The following CACNA1S variants were observed in gnomAD, a reference collection of about 807,000 sequenced individuals.
CACNA1S encodes the protein voltage-dependent L-type calcium channel subunit alpha-1S.
Under a neutral mutation model 207.4 loss-of-function variants are expected in CACNA1S, and 126 were observed. The observed-to-expected ratio is 0.61, with a 90% CI of 0.53 to 0.70. The LOEUF (loss-of-function observed/expected upper bound fraction) is 0.70, where lower values mean the gene tolerates loss of function less well. Among genes scored for constraint, CACNA1S ranks in the 30% least tolerant of loss-of-function variants. The pLI is 0.00. For synonymous variants in CACNA1S, 960 were observed against 932.7 expected, an observed-to-expected ratio of 1.03 and a Z score of -0.53; for missense variants, 2,349 against 2,422.8, an observed-to-expected ratio of 0.97 and a Z score of 0.64.
At position 201,087,900 on chromosome 1, in the gene CACNA1S, G is replaced by A. The variant is rs1662091024; in HGVS notation, c.930C>T (p.Pro310=). ...WVNDAIGNEW[P]WIYFVTLILL... is the part of the protein sequence containing the mutation. ...AAATGAGGGTGACAAAATAGATCCAGGGCCACTCATTCCCGATGGCATCAT... is the reference window on the plus strand; with the variant it reads ...AAATGAGGGTGACAAAATAGATCCAAGGCCACTCATTCCCGATGGCATCAT... The change falls in exon 7 of 44, where the codon CCC becomes CCT. Residue 310 remains proline, a synonymous_variant. Coordinates refer to ENST00000362061, the MANE Select transcript of CACNA1S (RefSeq NM_000069.3). The A allele has an allele frequency of 3.1e-6, 5 of 1,613,660 alleles. No homozygotes were observed. The highest frequency in any genetic ancestry group is 4.2e-6 in the Non-Finnish European group (5 of 1,179,672).
rs150396066 is a variant in CACNA1S at position 201,098,943 on chromosome 1, T to A, written c.259-4922A>T. 2.6e-5 allele frequency among the ~76,000 whole-genome samples: 4 copies of A among 152,230 alleles called. No individual in the cohort carries two copies. In the East Asian group the frequency reaches 7.7e-4, roughly 29 times the overall value. On this transcript the variant is annotated intron_variant, in intron 2 of 43. Coordinates refer to ENST00000362061, the MANE Select transcript of CACNA1S (RefSeq NM_000069.3). Reference sequence around the variant, plus strand: ...CTTAGCTGGAGGTTGGCGTGGTGTGTGACCCCTGATGCACAGGCCTTGCAC... The same window carrying A: ...CTTAGCTGGAGGTTGGCGTGGTGTGAGACCCCTGATGCACAGGCCTTGCAC...
intron 1 of CACNA1S, among the ~76,000 whole-genome samples, chr1:201,110,830 A>G (rs1230713085): frequency 6.6e-6 from 1 of 151,792 alleles, no homozygotes; most frequent in East Asian, 1.9e-4. Flanking sequence ...CCTCCCAGAC[A>G]CACCCACCCC....
At chr1:201,102,144 G>A (rs1662694488) in intron 2 of CACNA1S, among the ~76,000 whole-genome samples, 1 of 152,230 alleles carries the variant, frequency 6.6e-6, no homozygotes, top group African/African-American at 2.4e-5. Flanking sequence ...ATACAGCACA[G>A]GGTGGCGTGA....
In CACNA1S at chr1:201,089,260, A is replaced by G. The variant is rs370325121; in HGVS notation, c.898T>C (p.Trp300Arg). The change falls in exon 6 of 44, where the codon TGG (tryptophan) becomes CGG (arginine). Residue 300 changes from tryptophan (W) to arginine (R), a missense_variant and splice_region_variant. Transcript: ENST00000362061. ...TMEGWTDVLYWVNDAIGNEWP... is the reference protein window; with the variant it reads ...TMEGWTDVLYRVNDAIGNEWP... ...TGCAGGCGCGGGCCCAGACCCACCC[A>G]GTAAAGGACGTCAGTCCATCCCTCC... 185 of 1,614,068 alleles carry G rather than the reference A, an allele frequency of 1.1e-4. No homozygotes were observed. Among genetic ancestry groups the G allele is most frequent in the Non-Finnish European group, 1.5e-4 (180 of 1,179,988 alleles).
chr1:201,108,268 G>A lies in CACNA1S; in HGVS notation c.258+1896C>T, dbSNP rs556686664. On this transcript the variant is annotated intron_variant, in intron 2 of 43. Coordinates refer to ENST00000362061, the MANE Select transcript of CACNA1S (RefSeq NM_000069.3). ...CAAGAGGCATGCACCACCAGGCCCC[G>A]CTAATTCAATTTTTGTAGAGACGGG... Among the ~76,000 whole-genome samples, 6 of 151,994 alleles carry A rather than the reference G, an allele frequency of 3.9e-5. No homozygotes were observed. In the East Asian group the frequency reaches 5.8e-4, roughly 15 times the overall value.
rs182057307 is a variant in CACNA1S at position 201,066,151 on chromosome 1, G to A, written c.2745+78C>T. On this transcript the variant is annotated intron_variant, in intron 21 of 43. Coordinates refer to ENST00000362061, the MANE Select transcript of CACNA1S (RefSeq NM_000069.3). The surrounding 1 kb of genome is among the most constrained non-coding windows in gnomAD (Gnocchi z 4.3). ...GGACAGGGGTCCCAGCCATGGCTGG[G>A]CTGAGGTTTCTGGAGCGAGGAGGCC... The A allele has an allele frequency of 3.5e-3, 4,831 of 1,392,578 alleles. 28 individuals are homozygous for A. The highest frequency in any genetic ancestry group is 0.014 in the South Asian group (1,180 of 86,360). 86.3% of individuals were successfully genotyped at this position (1,392,578 alleles called of 1,614,324 possible).
chr1:201,058,576 C>A, intron 27 of CACNA1S, 85 bp from the exon 28 acceptor site: 2 of 1,090,756 alleles, frequency 1.8e-6, no homozygotes, highest in South Asian at 1.3e-5. Flanking sequence ...GTGTCCCACC[C>A]GAGCTAATGC....
At chr1:201,081,208 C>A (rs570456366) in intron 10 of CACNA1S, among the ~76,000 whole-genome samples, 26 of 152,338 alleles carry the variant, frequency 1.7e-4, no homozygotes, top group African/African-American at 6.0e-4. Flanking sequence ...AGGAACCCAG[C>A]TGCTACCCAT....
chr1:201,058,496 G>T lies in CACNA1S; in HGVS notation c.3526-5C>A. 6.2e-7 allele frequency: 1 copy of T among 1,611,042 alleles called. No individual in the cohort carries two copies. Among genetic ancestry groups the T allele is most frequent in the Non-Finnish European group, 8.5e-7 (1 of 1,177,214 alleles). ...CCAGGGGTCTCCAAAGTAGCCCTGG[G>T]AAGGAAAAGGATGGGAAAGCGAGGG... is the stretch of plus-strand genomic sequence containing the variant. On this transcript the variant is annotated splice_region_variant and splice_polypyrimidine_tract_variant and intron_variant, in intron 27 of 43. Coordinates refer to ENST00000362061, the MANE Select transcript of CACNA1S (RefSeq NM_000069.3).
chr1:201,109,900 C>G (rs979105663), intron 2 of CACNA1S, among the ~76,000 whole-genome samples: 2 of 152,216 alleles, frequency 1.3e-5, no homozygotes, highest in East Asian at 3.8e-4. Context: ...TGAATTTACT[C>G]TCATCAGGTA....
In CACNA1S at chr1:201,044,343, C is replaced by A. The variant is rs756803812; in HGVS notation, c.4782G>T (p.Glu1594Asp). The A allele has an allele frequency of 6.2e-7, 1 of 1,613,618 alleles. No individual in the cohort carries two copies. Among genetic ancestry groups the A allele is most frequent in the African/African-American group, 1.3e-5 (1 of 74,856 alleles). The change falls in exon 39 of 44, where the codon GAG (glutamate) becomes GAT (aspartate). Residue 1594 changes from glutamate (E) to aspartate (D), a missense_variant. By Grantham distance (45) the Glu-to-Asp change is conservative. Transcript: ENST00000362061. The part of the protein sequence containing the change: ...LERAMVEAAM[E>D]EGIFRRTGGL... ...TCTCCCTCACCCGGAATATTCCCTC[C>A]TCCATCGCAGCCTCCACCATGGCTC...
At chr1:201,071,045 T>C (rs1264102342) in intron 16 of CACNA1S, among the ~76,000 whole-genome samples, 1 of 152,076 alleles carries the variant, frequency 6.6e-6, no homozygotes, top group African/African-American at 2.4e-5. Flanking sequence ...TCCAAGCACA[T>C]TCACTGAGTC....
intron 34 of CACNA1S, among the ~76,000 whole-genome samples, chr1:201,049,381 C>T (rs1660577734): frequency 1.3e-5 from 2 of 152,228 alleles, no homozygotes; most frequent in African/African-American, 4.8e-5. Context: ...CCTCATTTTC[C>T]CTATCAGTAT....
intron 19 of CACNA1S, among the ~76,000 whole-genome samples, chr1:201,068,232 T>C (rs1272777347): frequency 0.03 from 288 of 9,478 alleles, 6 homozygotes; most frequent in African/African-American, 0.25. Context: ...GGCTCTGCTC[T>C]TTTTTTTTTT....
At chr1:201,096,776 G>A (rs1416817344) in intron 2 of CACNA1S, among the ~76,000 whole-genome samples, 1 of 152,172 alleles carries the variant, frequency 6.6e-6, no homozygotes, top group Non-Finnish European at 1.5e-5. Flanking sequence ...ACCAAATGCT[G>A]AATACATCAC....
intron 39 of CACNA1S, among the ~76,000 whole-genome samples, chr1:201,043,848 A>G (rs1660383070): frequency 6.6e-6 from 1 of 151,852 alleles, no homozygotes; most frequent in African/African-American, 2.4e-5. Context: ...CCGCTCTGAA[A>G]CTGATTTACT....
rs1663051294 is a variant in CACNA1S, at chr1:201,110,309, G to A, written c.153-40C>T. 4 of 1,561,824 alleles carry A rather than the reference G, an allele frequency of 2.6e-6. No homozygotes were observed. The South Asian group carries it at 3.3e-5, about 13-fold the overall frequency. On this transcript the variant is annotated intron_variant, in intron 1 of 43. Coordinates refer to ENST00000362061, the MANE Select transcript of CACNA1S (RefSeq NM_000069.3). ...AAGGAGAGCCCTCGAGTGAGGCAAG[G>A]GACTTACAGGGTTAAGGGGATGAGG... is the stretch of plus-strand genomic sequence containing the variant.
chr1:201,055,951 G>A (rs1364438046), intron 28 of CACNA1S, among the ~76,000 whole-genome samples: 3 of 152,020 alleles, frequency 2.0e-5, no homozygotes, highest in African/African-American at 7.3e-5. Flanking sequence ...CTCTGTTCTG[G>A]CTGTGCTGGT....
At position 201,053,123 on chromosome 1, in the gene CACNA1S, T is replaced by A. The variant is rs1572028238; in HGVS notation, c.3861+86A>T. On this transcript the variant is annotated intron_variant, in intron 31 of 43. Transcript: ENST00000362061. The surrounding 1 kb of genome is among the most constrained non-coding windows in gnomAD (Gnocchi z 5.1). ...GGGAGGGCGGAGGGTCCAGCCCGTG[T>A]GCTGCTCAGGCTCCTCAGGGTCCAC... is the stretch of plus-strand genomic sequence containing the variant. The A allele has an allele frequency of 1.4e-6, 2 of 1,454,362 alleles. No homozygotes were observed. Among genetic ancestry groups the A allele is most frequent in the East Asian group, 4.5e-5 (2 of 44,076 alleles). The allele number at this position is 1,454,362 out of a possible 1,614,324, so 90.1% of individuals were successfully genotyped here.
Sources: allele counts gnomAD v4.1 joint callset (sites outside exome capture counted in the v4.1 genomes callset), GRCh38; gene constraint gnomAD v4.1.1; non-coding constraint Gnocchi (gnomAD v3.1); transcripts MANE v1.5; gene names NCBI Gene and HGNC (gene_info 2026-07-23, HGNC 2026-07-21).